Variants in NKD1 observed in about 807,000 individuals in gnomAD.
The protein encoded by NKD1 is NKD inhibitor of Wnt signaling pathway 1.
In NKD1, 21 loss-of-function variants were observed where a neutral mutation model predicts 56.0. That is an observed-to-expected ratio of 0.38 (90% confidence interval 0.27 to 0.54). The LOEUF is 0.54. Among genes scored for constraint, NKD1 ranks in the 20% least tolerant of loss-of-function variants. NKD1 has a pLI of 0.82. For synonymous variants in NKD1, 263 were observed against 265.7 expected (o/e 0.99, Z 0.10); for missense variants, 578 against 642.7 (o/e 0.90, Z 1.09).
Position 50,591,242 on chromosome 16 carries a change from T to C in NKD1, c.193-17052T>C, listed in dbSNP as rs140484806. ...CAGGTAGATATTTGCCGTTTGTTCC[T>C]CAGCCTGTGAGCTGCGCTTCTCTCT... On this transcript the variant is annotated intron_variant, in intron 3 of 9. Transcript: ENST00000268459. Among the ~76,000 whole-genome samples the C allele has an allele frequency of 3.6e-4, 55 of 152,350 alleles. No individual in the cohort carries two copies. The East Asian group carries it at 9.3e-3, about 26-fold the overall frequency.
chr16:50,596,617 A>G lies in NKD1; in HGVS notation c.193-11677A>G, dbSNP rs543955293. 1.1e-4 allele frequency among the ~76,000 whole-genome samples: 17 copies of G among 152,386 alleles called. 1 individual carries two copies. In the South Asian group the frequency reaches 3.5e-3, roughly 32 times the overall value. ...GGCAACTACTTTTTTCTTTCAAGAAAATGCAGGGCGTGTTTTTCTGAGTCA... is the reference window on the plus strand; with the variant it reads ...GGCAACTACTTTTTTCTTTCAAGAAGATGCAGGGCGTGTTTTTCTGAGTCA... On this transcript the variant is annotated intron_variant, in intron 3 of 9. Transcript: ENST00000268459.
intron 3 of NKD1, chr16:50,556,241 C>T (rs1960501285): frequency 6.6e-6 from 1 of 152,310 alleles, no homozygotes; most frequent in Admixed American, 6.5e-5. Flanking sequence ...GAAGGGCAGC[C>T]TGGTGATGCT....
At chr16:50,619,806 A>G (rs904216243) in intron 4 of NKD1, among the ~76,000 whole-genome samples, 1 of 152,212 alleles carries the variant, frequency 6.6e-6, no homozygotes, top group African/African-American at 2.4e-5. Flanking sequence ...CCAGGGTCAC[A>G]CAGTGCCAGA....
At chr16:50,581,307 C>T (rs1028453045) in intron 3 of NKD1, among the ~76,000 whole-genome samples, 3 of 152,206 alleles carry the variant, frequency 2.0e-5, no homozygotes, top group Admixed American at 2.0e-4. Flanking sequence ...TTCTCAGAGC[C>T]TTCACTGTCT....
intron 3 of NKD1, among the ~76,000 whole-genome samples, chr16:50,586,387 G>C (rs1028484021): frequency 8.5e-6 from 1 of 117,098 alleles, no homozygotes; most frequent in South Asian, 3.7e-4. Flanking sequence ...TTGGGCGGGG[G>C]GTGGGTGGCT....
chr16:50,572,975 A>G, intron 3 of NKD1: 1 of 629,450 alleles, frequency 1.6e-6, no homozygotes, highest in Non-Finnish European at 2.0e-6. Flanking sequence ...CCTGCTGCCT[A>G]GCAGTTGTGC....
chr16:50,613,432 C>T (rs1961891643), intron 4 of NKD1, among the ~76,000 whole-genome samples: 1 of 152,114 alleles, frequency 6.6e-6, no homozygotes, highest in Non-Finnish European at 1.5e-5. Flanking sequence ...AGCAGGGACC[C>T]CCAGATGGAG....
intron 3 of NKD1, among the ~76,000 whole-genome samples, chr16:50,601,205 C>G (rs923022889): frequency 6.6e-6 from 1 of 152,344 alleles, no homozygotes; most frequent in South Asian, 2.1e-4. Context: ...AGCAGGAGCT[C>G]GCTCCACTGG....
At chr16:50,601,043 G>A (rs373269994) in intron 3 of NKD1, among the ~76,000 whole-genome samples, 8 of 152,248 alleles carry the variant, frequency 5.3e-5, no homozygotes, top group Admixed American at 3.3e-4. Flanking sequence ...TGTCTTTGGC[G>A]TCTTGAAGGC....
Position 50,630,813 on chromosome 16 carries a change from G to C in NKD1, c.611-13G>C, listed in dbSNP as rs768167184. The C allele has an allele frequency of 3.2e-6, 5 of 1,582,152 alleles. No homozygotes were observed. Among genetic ancestry groups the C allele is most frequent in the East Asian group, 4.6e-5 (2 of 43,430 alleles). ...TCACCTGGTGTCTCCTGTGCTTCTC[G>C]GGCCGGACTCAGACCTGCAGAGCGC... On this transcript the variant is annotated splice_polypyrimidine_tract_variant and intron_variant, in intron 7 of 9. Transcript: ENST00000268459.
intron 3 of NKD1, among the ~76,000 whole-genome samples, chr16:50,558,938 A>G (rs981544148): frequency 6.6e-6 from 1 of 151,910 alleles, no homozygotes; most frequent in African/African-American, 2.4e-5. Context: ...ACAAACAACA[A>G]AACAAAGATG....
At position 50,567,599 on chromosome 16, in the gene NKD1, C is replaced by T. The variant is rs568942381; in HGVS notation, c.192+18044C>T. 2.0e-5 allele frequency among the ~76,000 whole-genome samples: 3 copies of T among 152,324 alleles called. No individual in the cohort carries two copies. In the South Asian group the frequency reaches 6.2e-4, roughly 32 times the overall value. ...TCACTTATTTTATAAGCTGTACCTCCTCCTTGGCCAAGGACAGGCCACAGG... is the reference window on the plus strand; with the variant it reads ...TCACTTATTTTATAAGCTGTACCTCTTCCTTGGCCAAGGACAGGCCACAGG... On this transcript the variant is annotated intron_variant, in intron 3 of 9. Coordinates refer to ENST00000268459, the MANE Select transcript of NKD1 (RefSeq NM_033119.5).
chr16:50,630,041 C>T (rs1472168197), intron 6 of NKD1, 145 bp from the exon 7 acceptor site: 13 of 656,426 alleles, frequency 2.0e-5, no homozygotes, highest in Non-Finnish European at 1.0e-5. Flanking sequence ...CCAAACGAAC[C>T]TCAGACATCC....
At chr16:50,576,878 G>A (rs781008272) in intron 3 of NKD1, among the ~76,000 whole-genome samples, 12 of 151,984 alleles carry the variant, frequency 7.9e-5, no homozygotes, top group African/African-American at 1.5e-4. Context: ...CCGTCAACAG[G>A]TGAGGGCATG....
intron 3 of NKD1, chr16:50,607,171 G>C: frequency 5.7e-6 from 2 of 353,538 alleles, no homozygotes; most frequent in South Asian, 2.2e-5. Flanking sequence ...TTTGAAAGAA[G>C]AAAGAGAACA....
rs1359450893 is a variant in NKD1, at chr16:50,632,505, C to G, written c.823+97C>G. The G allele has an allele frequency of 8.3e-7, 1 of 1,211,904 alleles. No homozygotes were observed. Among genetic ancestry groups the G allele is most frequent in the Non-Finnish European group, 1.2e-6 (1 of 834,730 alleles). The allele number at this position is 1,211,904 out of a possible 1,614,324, so 75.1% of individuals were successfully genotyped here. On this transcript the variant is annotated intron_variant, in intron 9 of 9. Transcript: ENST00000268459. This position sits in a 1 kb window ranked among gnomAD's most constrained non-coding sequence, Gnocchi z 4.1. ...GGGTGGTGTTCACTGCTACCCCAGG[C>G]TTCGGTAAGACAACTATTATGGGAC...
intron 3 of NKD1, chr16:50,571,699 A>G: frequency 5.0e-6 from 1 of 200,216 alleles, no homozygotes; most frequent in Non-Finnish European, 8.9e-6. Context: ...ACTGCTCACC[A>G]TGGTCCCCAT....
chr16:50,625,607 C>T (rs751611969), intron 6 of NKD1, 27 bp downstream of exon 6: 25 of 1,448,750 alleles, frequency 1.7e-5, no homozygotes, highest in Admixed American at 1.3e-4. Flanking sequence ...GGCCTCTTGC[C>T]GTGTATCATA....
chr16:50,579,198 C>T (rs1362191270), intron 3 of NKD1, among the ~76,000 whole-genome samples: 2 of 151,418 alleles, frequency 1.3e-5, no homozygotes, highest in Admixed American at 6.6e-5. Flanking sequence ...GCAGGCTACC[C>T]GCTACACACG....
Sources: gnomAD v4.1 joint callset for allele counts (sites outside exome capture counted in the v4.1 genomes callset) on GRCh38, gnomAD v4.1.1 for gene constraint, Gnocchi (gnomAD v3.1) non-coding constraint, MANE v1.5 for transcripts, NCBI Gene and HGNC (gene_info 2026-07-23, HGNC 2026-07-21) for gene names.